PID1: variants seen among roughly 807,000 people sequenced by gnomAD.
PID1 encodes PTB-containing, cubilin and LRP1-interacting protein.
Under a neutral mutation model 19.1 loss-of-function variants are expected in PID1, and 10 were observed. The ratio of observed to expected loss-of-function variants is 0.52; its 90% CI spans 0.32 to 0.89. The LOEUF (loss-of-function observed/expected upper bound fraction) is 0.89, where lower values mean the gene tolerates loss of function less well. Ranked by LOEUF, PID1 falls within the 40% of genes least tolerant of loss-of-function variation. PID1 has a pLI of 0.03. For missense variants in PID1, 248 were observed against 285.3 expected, an observed-to-expected ratio of 0.87 and a Z score of 0.94; for synonymous variants, 130 against 116.0, an observed-to-expected ratio of 1.12 and a Z score of -0.78.
At chr2:229,099,748 G>A (rs773056923) in intron 2 of PID1, among the ~76,000 whole-genome samples, 12 of 152,154 alleles carry the variant, frequency 7.9e-5, no homozygotes, top group Non-Finnish European at 1.5e-4. Flanking sequence ...GAATCAACTG[G>A]AAAGAAGTAG....
intron 1 of PID1, among the ~76,000 whole-genome samples, chr2:229,160,047 G>A (rs1166188282): frequency 6.6e-6 from 1 of 152,170 alleles, no homozygotes; most frequent in Non-Finnish European, 1.5e-5. Flanking sequence ...TTGAGTAAGT[G>A]GGGGTATCTC....
In PID1 at chr2:229,126,423, C is replaced by CA. The variant is rs747977904; in HGVS notation, c.177+29394dup. The stretch of plus-strand genomic sequence containing the variant: ...GTGCAACCAACTGGGAATGGTCTGG[C>CA]AAAAAAAAAAACCCTGTGTATTACA... On this transcript the variant is annotated intron_variant, in intron 2 of 2. Transcript: ENST00000392055. 3.1e-3 allele frequency among the ~76,000 whole-genome samples: 436 copies of CA among 141,188 alleles called. 3 individuals carry two copies. Among genetic ancestry groups the CA allele is most frequent in the African/African-American group, 7.2e-3 (278 of 38,628 alleles). The allele number at this position is 141,188 out of a possible 152,430, so 92.6% of individuals were successfully genotyped here.
chr2:229,027,823 C>T (rs6726981), intron 2 of PID1, among the ~76,000 whole-genome samples: 15,997 of 152,256 alleles, frequency 0.11, 1,081 homozygotes, highest in East Asian at 0.33. Context: ...AAGAGGTCCA[C>T]GACCTCTGGA....
intron 2 of PID1, among the ~76,000 whole-genome samples, chr2:229,121,042 T>C (rs1033204652): frequency 6.6e-6 from 1 of 152,184 alleles, no homozygotes; most frequent in African/African-American, 2.4e-5. Context: ...CATGAAGAAC[T>C]GTGAGCTAAA....
intron 1 of PID1, among the ~76,000 whole-genome samples, chr2:229,238,246 G>T (rs1689770732): frequency 6.6e-6 from 1 of 152,160 alleles, no homozygotes. Context: ...AAGGGGTTGG[G>T]TTGGAGACCA....
chr2:229,271,264 C>T lies in PID1; in HGVS notation c.-221G>A. 1 of 394,630 alleles carries T rather than the reference C, an allele frequency of 2.5e-6. No homozygotes were observed. The highest frequency in any genetic ancestry group is 4.6e-6 in the Non-Finnish European group (1 of 219,302). The allele number at this position is 394,630 out of a possible 1,614,324, so 24.4% of individuals were successfully genotyped here. ...TGGGCACGGCCGCGCGCCGGCTGTC[C>T]TGGCGCAGCTGCGAGAGGACTGCGC... is the stretch of plus-strand genomic sequence containing the variant. On this transcript the variant is annotated 5_prime_UTR_variant, in exon 1 of 3. Transcript: ENST00000392055.
At chr2:229,158,676 T>G (rs539174067) in intron 1 of PID1, among the ~76,000 whole-genome samples, 6 of 151,706 alleles carry the variant, frequency 4.0e-5, no homozygotes, top group Non-Finnish European at 7.4e-5. Context: ...AAGTTGACCT[T>G]AAGGACCTGG....
chr2:229,107,186 T>C (rs1389808674), intron 2 of PID1, among the ~76,000 whole-genome samples: 1 of 151,980 alleles, frequency 6.6e-6, no homozygotes, highest in Admixed American at 6.6e-5. Flanking sequence ...TTGGGGAAAA[T>C]GGCCACGTGA....
At chr2:229,222,582 G>T (rs1004853079) in intron 1 of PID1, among the ~76,000 whole-genome samples, 1 of 152,136 alleles carries the variant, frequency 6.6e-6, no homozygotes, top group Non-Finnish European at 1.5e-5. Context: ...GCTTCTAGAT[G>T]AGACTAATAT....
intron 2 of PID1, among the ~76,000 whole-genome samples, chr2:229,044,276 A>T (rs970773737): frequency 6.6e-6 from 1 of 151,946 alleles, no homozygotes; most frequent in Non-Finnish European, 1.5e-5. Flanking sequence ...GTGTGAGAAG[A>T]TCTACCAGGA....
chr2:229,189,911 T>C (rs1015014651), intron 1 of PID1, among the ~76,000 whole-genome samples: 1 of 152,216 alleles, frequency 6.6e-6, no homozygotes, highest in Non-Finnish European at 1.5e-5. Flanking sequence ...CTCCCTTAAA[T>C]AATGAGAAAG....
chr2:229,158,613 AAAAAG>A (rs1313182491), intron 1 of PID1, among the ~76,000 whole-genome samples: 4 of 152,216 alleles, frequency 2.6e-5, no homozygotes, highest in Non-Finnish European at 5.9e-5. Context: ...TATTAAAAAA[AAAAAG>A]AAAACTAAAT....
intron 1 of PID1, among the ~76,000 whole-genome samples, chr2:229,263,199 A>G (rs1163498719): frequency 6.6e-6 from 1 of 152,138 alleles, no homozygotes; most frequent in Non-Finnish European, 1.5e-5. Flanking sequence ...AGGGGGTCAC[A>G]TTTTTCTCAT....
At chr2:229,247,031 A>C (rs1324218361) in intron 1 of PID1, among the ~76,000 whole-genome samples, 1 of 152,178 alleles carries the variant, frequency 6.6e-6, no homozygotes, top group East Asian at 1.9e-4. Flanking sequence ...CTCAGGGAAA[A>C]CAGAAAGGGA....
intron 1 of PID1, among the ~76,000 whole-genome samples, chr2:229,188,322 C>T (rs572753543): frequency 6.8e-6 from 1 of 147,560 alleles, no homozygotes; most frequent in East Asian, 2.0e-4. Flanking sequence ...TGCTTCTCCC[C>T]TGAAAAAAAA....
At chr2:229,036,157 C>G (rs915382725) in intron 2 of PID1, among the ~76,000 whole-genome samples, 13 of 152,118 alleles carry the variant, frequency 8.5e-5, no homozygotes, top group African/African-American at 3.1e-4. Context: ...GCTCTTGGAG[C>G]CCAACACTAT....
intron 1 of PID1, among the ~76,000 whole-genome samples, chr2:229,228,737 A>G (rs35940968): frequency 6.6e-6 from 1 of 151,306 alleles, no homozygotes; most frequent in Non-Finnish European, 1.5e-5. Context: ...ACAAAAAGGT[A>G]TCTGCTAAAA....
chr2:229,164,846 G>C (rs1323417126), intron 1 of PID1, among the ~76,000 whole-genome samples: 1 of 152,138 alleles, frequency 6.6e-6, no homozygotes, highest in Non-Finnish European at 1.5e-5. Flanking sequence ...ATGAAAGCCT[G>C]GGGGGACAAA....
At chr2:229,070,054 A>G (rs1694421673) in intron 2 of PID1, among the ~76,000 whole-genome samples, 1 of 152,198 alleles carries the variant, frequency 6.6e-6, no homozygotes, top group Non-Finnish European at 1.5e-5. Flanking sequence ...CTTTGAAGAA[A>G]ACAAGCCAAA....
Sources: allele counts gnomAD v4.1 joint callset (sites outside exome capture counted in the v4.1 genomes callset), GRCh38; gene constraint gnomAD v4.1.1; transcripts MANE v1.5; gene names NCBI Gene and HGNC (gene_info 2026-07-23, HGNC 2026-07-21).